The following CDH13 variants were observed in gnomAD, a reference collection of about 807,000 sequenced individuals.
CDH13 encodes the protein cadherin 13, also known as cadherin-13.
CDH13 carries 24 observed loss-of-function variants against 63.8 expected under a neutral mutation model. The observed-to-expected ratio is 0.38, with a 90% CI of 0.27 to 0.53. The LOEUF is 0.53. CDH13 is among the 20% of genes least tolerant of loss of function. The pLI, the probability that CDH13 is intolerant of heterozygous loss-of-function variation, is 0.85. For synonymous variants in CDH13, 503 were observed against 355.3 expected, an observed-to-expected ratio of 1.42 and a Z score of -4.67; for missense variants, 1,049 against 903.1, an observed-to-expected ratio of 1.16 and a Z score of -2.07.
chr16:82,770,383 A>C (rs1310634258), intron 1 of CDH13, among the ~76,000 whole-genome samples: 1 of 152,234 alleles, frequency 6.6e-6, no homozygotes, highest in Non-Finnish European at 1.5e-5. Context: ...AAAATTGCTC[A>C]AAGTTTGCAG....
chr16:83,690,438 G>A (rs1158392652), intron 10 of CDH13, among the ~76,000 whole-genome samples: 1 of 152,192 alleles, frequency 6.6e-6, no homozygotes, highest in Non-Finnish European at 1.5e-5. Flanking sequence ...TCCAGGTAGA[G>A]GAAGCAAGTG....
chr16:83,115,236 T>C (rs1189830370), intron 3 of CDH13, among the ~76,000 whole-genome samples: 1 of 152,186 alleles, frequency 6.6e-6, no homozygotes, highest in Non-Finnish European at 1.5e-5. Flanking sequence ...GGATGAGTCT[T>C]TTACATCTTT....
At chr16:83,242,986 G>A (rs1049416501) in intron 5 of CDH13, among the ~76,000 whole-genome samples, 5 of 152,100 alleles carry the variant, frequency 3.3e-5, no homozygotes, top group African/African-American at 1.2e-4. Flanking sequence ...GGTGAAGTAG[G>A]CACTATTATT....
rs1384613072 is a variant in CDH13, at chr16:82,835,109, C to G, written c.46-23253C>G. ...AACCCAATATATTCAAGTAGTATCC[C>G]TGCAACGTGTAGGTAATATAGAAAT... On this transcript the variant is annotated intron_variant, in intron 1 of 13. Coordinates refer to ENST00000567109, the MANE Select transcript of CDH13 (RefSeq NM_001257.5). Among the ~76,000 whole-genome samples the G allele has an allele frequency of 2.6e-5, 4 of 152,174 alleles. No homozygotes were observed. In the East Asian group the frequency reaches 7.7e-4, roughly 29 times the overall value.
Position 83,500,278 on chromosome 16 carries a change from TC to T in CDH13, c.960+13624del, listed in dbSNP as rs1405680804. ...TTCTTCTTCTTCTTCTTCTTCTTCT[TC>T]TTCTTCTTCTTCTTCTCCTTCTCCT... On this transcript the variant is annotated intron_variant, in intron 7 of 13. Transcript: ENST00000567109. Among the ~76,000 whole-genome samples the T allele has an allele frequency of 0.014, 33 of 2,298 alleles. 2 individuals are homozygous for T. The East Asian group carries it at 0.5, about 35-fold the overall frequency. 1.5% of individuals were successfully genotyped at this position (2,298 alleles called of 152,430 possible). A position where few individuals can be genotyped will look rare whatever the true frequency, so the allele number is the denominator to read the frequency against.
intron 5 of CDH13, among the ~76,000 whole-genome samples, chr16:83,231,360 G>C (rs188583871): frequency 2.0e-5 from 3 of 152,170 alleles, no homozygotes; most frequent in African/African-American, 7.2e-5. Flanking sequence ...CGAGGGAATA[G>C]ATAGGAGAAA....
At chr16:82,743,063 A>T (rs892935126) in intron 1 of CDH13, among the ~76,000 whole-genome samples, 1 of 152,258 alleles carries the variant, frequency 6.6e-6, no homozygotes, top group Admixed American at 6.5e-5. Context: ...AGAATAGTAT[A>T]ATAAATCCCA....
chr16:83,601,754 A>G (rs1206418888), intron 7 of CDH13, among the ~76,000 whole-genome samples: 1 of 152,196 alleles, frequency 6.6e-6, no homozygotes, highest in Non-Finnish European at 1.5e-5. Flanking sequence ...TTTTCAGATC[A>G]GCTTCCTGAG....
intron 11 of CDH13, among the ~76,000 whole-genome samples, chr16:83,773,610 G>A (rs1914906620): frequency 6.6e-6 from 1 of 152,174 alleles, no homozygotes; most frequent in African/African-American, 2.4e-5. Flanking sequence ...ATTACAATTG[G>A]AGATGAGATT....
intron 1 of CDH13, among the ~76,000 whole-genome samples, chr16:82,711,304 T>C (rs1160749408): frequency 6.6e-6 from 1 of 152,174 alleles, no homozygotes; most frequent in Non-Finnish European, 1.5e-5. Context: ...GATAGAGTCT[T>C]AGAATCTCCA....
At chr16:83,565,557 G>A (rs1290085269) in intron 7 of CDH13, among the ~76,000 whole-genome samples, 1 of 151,956 alleles carries the variant, frequency 6.6e-6, no homozygotes, top group African/African-American at 2.4e-5. Flanking sequence ...TCCCTGAGAG[G>A]AAGGACAAGG....
At chr16:83,560,825 C>T (rs527907005) in intron 7 of CDH13, among the ~76,000 whole-genome samples, 3 of 152,160 alleles carry the variant, frequency 2.0e-5, no homozygotes, top group Admixed American at 1.3e-4. Flanking sequence ...TGAGTTGGTT[C>T]CCCTTTGGGG....
intron 5 of CDH13, among the ~76,000 whole-genome samples, chr16:83,264,138 T>G (rs185437224): frequency 1.1e-4 from 16 of 152,356 alleles, no homozygotes; most frequent in African/African-American, 3.8e-4. Context: ...ATCAGAGTTA[T>G]AGATAGCAGA....
At chr16:83,686,869 C>T (rs1164003601) in intron 10 of CDH13, among the ~76,000 whole-genome samples, 3 of 152,134 alleles carry the variant, frequency 2.0e-5, no homozygotes, top group Non-Finnish European at 4.4e-5. Context: ...AGATTAATGG[C>T]AGCTGGGTTG....
At chr16:82,813,049 TA>T (rs1366914512) in intron 1 of CDH13, among the ~76,000 whole-genome samples, 5 of 152,124 alleles carry the variant, frequency 3.3e-5, no homozygotes, top group African/African-American at 4.8e-5. Context: ...GTAACACTTT[TA>T]AAGGTAGTTG....
intron 2 of CDH13, among the ~76,000 whole-genome samples, chr16:82,957,906 A>G (rs960494465): frequency 6.6e-6 from 1 of 152,220 alleles, no homozygotes; most frequent in Non-Finnish European, 1.5e-5. Context: ...ATGTGCACTC[A>G]TAATTTTGCC....
At chr16:83,619,505 G>C (rs1277853519) in intron 8 of CDH13, among the ~76,000 whole-genome samples, 4 of 152,246 alleles carry the variant, frequency 2.6e-5, no homozygotes, top group African/African-American at 9.6e-5. Context: ...AGAAGTCCAA[G>C]AGCAAGGCAC....
intron 4 of CDH13, among the ~76,000 whole-genome samples, chr16:83,192,790 T>A (rs114528386): frequency 0.012 from 1,880 of 152,262 alleles, 28 homozygotes; most frequent in African/African-American, 0.042. Flanking sequence ...ACCAGGCCAC[T>A]GTTGCCCAAC....
intron 11 of CDH13, 71 bp from the exon 12 acceptor site, chr16:83,779,897 G>A: frequency 2.0e-6 from 2 of 993,118 alleles, no homozygotes; most frequent in Non-Finnish European, 3.0e-6. Flanking sequence ...AGTTTACAAT[G>A]CAAAAAGTGC....
Sources: allele counts gnomAD v4.1 joint callset (sites outside exome capture counted in the v4.1 genomes callset), GRCh38; gene constraint gnomAD v4.1.1; transcripts MANE v1.5; gene names NCBI Gene and HGNC (gene_info 2026-07-23, HGNC 2026-07-21).